CSGALNACT1: variants seen among roughly 807,000 people sequenced by gnomAD.
The protein encoded by CSGALNACT1 is chondroitin sulfate N-acetylgalactosaminyltransferase 1.
In CSGALNACT1, 52 loss-of-function variants were observed where a neutral mutation model predicts 51.0. The observed-to-expected ratio is 1.02, with a 90% CI of 0.82 to 1.29. The LOEUF is 1.29. CSGALNACT1 is among the 50% of genes most tolerant of loss of function. The pLI is 0.00. For missense variants in CSGALNACT1, 935 were observed against 679.2 expected (o/e 1.38, Z -4.19); for synonymous variants, 341 against 254.4 (o/e 1.34, Z -3.24).
chr8:19,712,933 T>C lies in CSGALNACT1; in HGVS notation c.-297+44917A>G, dbSNP rs369569879. Among the ~76,000 whole-genome samples the C allele has an allele frequency of 1.6e-3, 240 of 152,270 alleles. 1 individual carries two copies. Among genetic ancestry groups the C allele is most frequent in the African/African-American group, 5.7e-3 (238 of 41,548 alleles). ...CTCCTGGTGGACCCTATGCAGAACA[T>C]TCTAAAACATCATTGTAAGGAAGCA... On this transcript the variant is annotated intron_variant, in intron 1 of 1. Transcript: ENST00000517494.
chr8:19,750,788 T>C (rs1185285191), intron 1 of CSGALNACT1, among the ~76,000 whole-genome samples: 1 of 152,150 alleles, frequency 6.6e-6, no homozygotes, highest in Non-Finnish European at 1.5e-5. Flanking sequence ...TGCATAAAAA[T>C]GTTTGATAGA....
intron 6 of CSGALNACT1, among the ~76,000 whole-genome samples, chr8:19,435,615 C>G (rs1172879305): frequency 6.6e-6 from 1 of 152,120 alleles, no homozygotes; most frequent in Admixed American, 6.5e-5. Flanking sequence ...GTGATGGTTC[C>G]CAGGCTTCAT....
intron 3 of CSGALNACT1, among the ~76,000 whole-genome samples, chr8:19,514,497 A>G (rs2079107990): frequency 7.3e-6 from 1 of 136,172 alleles, no homozygotes; most frequent in Non-Finnish European, 1.6e-5. Context: ...ATATATATAT[A>G]TATATATATA....
At position 19,537,002 on chromosome 8, in the gene CSGALNACT1, G is replaced by A. The variant is rs879786931; in HGVS notation, c.-296-30872C>T. Among the ~76,000 whole-genome samples, 29 of 152,088 alleles carry A rather than the reference G, an allele frequency of 1.9e-4. 1 individual carries two copies. Among genetic ancestry groups the A allele is most frequent in the Admixed American group, 4.6e-4 (7 of 15,260 alleles). ...TAAAATCCTAAATCCCCCTCCAACC[G>A]ACAAACTGATCTCCTCTTGGCCAAT... On this transcript the variant is annotated intron_variant, in intron 3 of 9. Coordinates refer to ENST00000454498, the Ensembl canonical transcript of CSGALNACT1.
At chr8:19,755,226 T>C (rs1282535992) in intron 1 of CSGALNACT1, among the ~76,000 whole-genome samples, 2 of 152,006 alleles carry the variant, frequency 1.3e-5, no homozygotes, top group Non-Finnish European at 2.9e-5. Context: ...TTCATCATCA[T>C]ATGAACTTAG....
upstream of CSGALNACT1, among the ~76,000 whole-genome samples, chr8:19,603,171 C>T (rs2050818432): frequency 6.6e-6 from 1 of 151,020 alleles, no homozygotes; most frequent in Admixed American, 6.6e-5. Flanking sequence ...GCCCAGAAAG[C>T]GCCAAAGGAA....
At chr8:19,527,738 T>G (rs150446893) in intron 3 of CSGALNACT1, among the ~76,000 whole-genome samples, 1 of 152,152 alleles carries the variant, frequency 6.6e-6, no homozygotes, top group Non-Finnish European at 1.5e-5. Context: ...TGAGCTGAAG[T>G]AGCAGGGTCA....
chr8:19,685,321 C>T (rs369536555), upstream of CSGALNACT1, among the ~76,000 whole-genome samples: 1 of 152,142 alleles, frequency 6.6e-6, no homozygotes, highest in East Asian at 1.9e-4. Context: ...CCAGTCTGGG[C>T]AACATGGCAA....
chr8:19,706,488 A>G (rs77041469), intron 1 of CSGALNACT1, among the ~76,000 whole-genome samples: 568 of 152,308 alleles, frequency 3.7e-3, no homozygotes, highest in Admixed American at 6.7e-3. Context: ...ACTGGAATAC[A>G]CTGAATCAGG....
intron 3 of CSGALNACT1, among the ~76,000 whole-genome samples, chr8:19,589,041 G>T (rs2047252497): frequency 6.6e-6 from 1 of 152,102 alleles, no homozygotes; most frequent in African/African-American, 2.4e-5. Flanking sequence ...CCTATCCCAG[G>T]GTCACGGAGC....
intron 1 of CSGALNACT1, among the ~76,000 whole-genome samples, chr8:19,755,456 C>CAAAAAAAAAAAAAACAAAAAAAA (rs2065301412): frequency 1.3e-5 from 1 of 74,532 alleles, no homozygotes; most frequent in Non-Finnish European, 2.5e-5. Flanking sequence ...TAAAGAAAGA[C>CAAAAAAAAAAAAAACAAAAAAAA]AAAAAAAAAA....
chr8:19,724,090 C>G lies in CSGALNACT1; in HGVS notation c.-297+33760G>C, dbSNP rs760170702. Among the ~76,000 whole-genome samples the G allele has an allele frequency of 2.6e-5, 4 of 152,286 alleles. No individual in the cohort carries two copies. The East Asian group carries it at 7.7e-4, about 29-fold the overall frequency. On this transcript the variant is annotated intron_variant, in intron 1 of 1. Transcript: ENST00000517494. ...AATCTCCATGCTGATTTTCCAATAT[C>G]CAATAAGCTGAGCACGAGTTGTCCA...
At chr8:19,702,849 G>A (rs2061956604) in intron 1 of CSGALNACT1, among the ~76,000 whole-genome samples, 1 of 152,044 alleles carries the variant, frequency 6.6e-6, no homozygotes, top group South Asian at 2.1e-4. Flanking sequence ...TGGGTTTCAG[G>A]GTCTCCCCTA....
intron 5 of CSGALNACT1, among the ~76,000 whole-genome samples, chr8:19,442,099 A>G (rs1295010058): frequency 2.6e-5 from 4 of 152,138 alleles, no homozygotes; most frequent in Admixed American, 1.3e-4. Context: ...GAGAAATAGG[A>G]ACACTTTTTA....
intron 3 of CSGALNACT1, among the ~76,000 whole-genome samples, chr8:19,564,399 ATTT>A (rs34403400): frequency 6.3e-4 from 90 of 143,654 alleles, no homozygotes; most frequent in African/African-American, 1.8e-3. Flanking sequence ...AGGTTCAGGT[ATTT>A]TTTTTTTTTT....
chr8:19,680,810 T>C (rs532315609), intron 1 of CSGALNACT1, among the ~76,000 whole-genome samples: 1 of 152,254 alleles, frequency 6.6e-6, no homozygotes, highest in African/African-American at 2.4e-5. Context: ...TTTATGTATA[T>C]GTTTTCACAT....
At chr8:19,549,747 C>T (rs1019856068) in intron 3 of CSGALNACT1, among the ~76,000 whole-genome samples, 15 of 144,018 alleles carry the variant, frequency 1.0e-4, no homozygotes, top group African/African-American at 3.4e-4. Flanking sequence ...ATTTTTGAGA[C>T]CTTGCATTTC....
chr8:19,526,311 A>C (rs1563902048), intron 3 of CSGALNACT1, among the ~76,000 whole-genome samples: 1 of 152,208 alleles, frequency 6.6e-6, no homozygotes, highest in Non-Finnish European at 1.5e-5. Context: ...AAGGCCAGGC[A>C]CAGTGGCTTA....
intron 3 of CSGALNACT1, among the ~76,000 whole-genome samples, chr8:19,522,604 G>A (rs899089312): frequency 6.6e-6 from 1 of 152,166 alleles, no homozygotes; most frequent in African/African-American, 2.4e-5. Context: ...TTGTACACAT[G>A]GGGCTGCAAG....
Sources: gnomAD v4.1 joint callset for allele counts (sites outside exome capture counted in the v4.1 genomes callset) on GRCh38, gnomAD v4.1.1 for gene constraint, MANE v1.5 for transcripts, NCBI Gene and HGNC (gene_info 2026-07-23, HGNC 2026-07-21) for gene names.